KRT8: variants seen among roughly 807,000 people sequenced by gnomAD.
The protein encoded by KRT8 is keratin, type II cytoskeletal 8.
In KRT8, 24 loss-of-function variants were observed where a neutral mutation model predicts 43.0. The observed-to-expected ratio is 0.56, with a 90% CI of 0.40 to 0.78. The LOEUF (loss-of-function observed/expected upper bound fraction) is 0.78, where lower values mean the gene tolerates loss of function less well. KRT8 is among the 30% of genes least tolerant of loss of function. The pLI, the probability that KRT8 is intolerant of heterozygous loss-of-function variation, is 0.00. For missense variants in KRT8, 492 were observed against 638.4 expected (o/e 0.77, Z 2.47); for synonymous variants, 214 against 261.2 (o/e 0.82, Z 1.74).
At chr12:52,908,294 C>A (rs1280761424), upstream of KRT8, among the ~76,000 whole-genome samples, 4 of 152,028 alleles carry the variant, frequency 2.6e-5, no homozygotes, top group East Asian at 7.7e-4. Flanking sequence ...GGCGCAATCT[C>A]GGCTCACTGC....
chr12:52,948,890 A>C (rs2120758905), intron 2 of KRT8: 2 of 423,158 alleles, frequency 4.7e-6, no homozygotes, highest in South Asian at 1.9e-4. Flanking sequence ...AGGGCCAACA[A>C]CACCTGCTGT....
intron 2 of KRT8, chr12:52,948,579 C>T (rs1379674717): frequency 3.6e-6 from 1 of 276,828 alleles, no homozygotes; most frequent in Non-Finnish European, 6.7e-6. Flanking sequence ...GCAACCTCCG[C>T]CTCCCAGGTT....
At chr12:52,949,028 G>C (rs1942405413) in intron 2 of KRT8, 1 of 753,808 alleles carries the variant, frequency 1.3e-6, no homozygotes, top group Non-Finnish European at 2.2e-6. Context: ...GCTCCGAGCC[G>C]TCCACCTGTG....
At chr12:52,926,339 C>CCCCCCCCCCCCCCCGG in intron 2 of KRT8, 2 of 781,002 alleles carry the variant, frequency 2.6e-6, no homozygotes, top group Non-Finnish European at 4.2e-6. Flanking sequence ...GCTGCCCTCC[C>CCCCCCCCCCCCCCCGG]CACCCCACCC....
chr12:52,927,982 C>T (rs1168944954), intron 2 of KRT8, among the ~76,000 whole-genome samples: 1 of 152,104 alleles, frequency 6.6e-6, no homozygotes, highest in Non-Finnish European at 1.5e-5. Context: ...GCTTGAGAGG[C>T]GGGAGGCGCA....
chr12:52,933,822 AC>A (rs925376016), intron 2 of KRT8, among the ~76,000 whole-genome samples: 1 of 150,952 alleles, frequency 6.6e-6, no homozygotes, highest in African/African-American at 2.4e-5. Flanking sequence ...ACGGGGTTTC[AC>A]CATGTTGGCC....
intron 2 of KRT8, among the ~76,000 whole-genome samples, chr12:52,917,180 A>C (rs1032238044): frequency 2.0e-5 from 3 of 152,046 alleles, no homozygotes; most frequent in Non-Finnish European, 4.4e-5. Flanking sequence ...ACTTGAGGTC[A>C]GGCTTTCAAG....
upstream of KRT8, among the ~76,000 whole-genome samples, chr12:52,905,721 G>T (rs963555851): frequency 3.5e-5 from 5 of 143,196 alleles, no homozygotes; most frequent in African/African-American, 1.3e-4. Flanking sequence ...CATCACACGC[G>T]CACACACACA....
chr12:52,913,994 C>T (rs995482394), intron 2 of KRT8, among the ~76,000 whole-genome samples: 1 of 152,162 alleles, frequency 6.6e-6, no homozygotes, highest in Non-Finnish European at 1.5e-5. Flanking sequence ...AGGCCAAGGC[C>T]AGCTGATTAC....
chr12:52,898,409 G>T (rs1444791762), intron 7 of KRT8, 52 bp downstream of exon 7: 6 of 1,516,406 alleles, frequency 4.0e-6, no homozygotes, highest in African/African-American at 1.4e-5. Context: ...TGGAGCTGAG[G>T]CCTCCCTGGG....
chr12:52,901,666 G>A (rs1941372861), intron 2 of KRT8, 198 bp downstream of exon 2: 1 of 615,194 alleles, frequency 1.6e-6, no homozygotes, highest in African/African-American at 1.8e-5. Context: ...ATTGAAAGGG[G>A]GTGGGTACTA....
At chr12:52,924,592 A>C (rs1941953758) in intron 2 of KRT8, among the ~76,000 whole-genome samples, 1 of 152,184 alleles carries the variant, frequency 6.6e-6, no homozygotes. Flanking sequence ...CTGTCTCAAA[A>C]AAATAAATAA....
intron 2 of KRT8, among the ~76,000 whole-genome samples, chr12:52,923,182 T>C (rs942641994): frequency 6.6e-6 from 1 of 152,226 alleles, no homozygotes; most frequent in African/African-American, 2.4e-5. Flanking sequence ...AGGTTTATGA[T>C]GAAAATTAAA....
chr12:52,912,533 T>C (rs1389710298), intron 2 of KRT8, among the ~76,000 whole-genome samples: 1 of 152,218 alleles, frequency 6.6e-6, no homozygotes, highest in Non-Finnish European at 1.5e-5. Context: ...CTAGCACAGA[T>C]GCCCACCCTA....
chr12:52,935,389 A>AAAAAAAAAAAG (rs1942151983), intron 2 of KRT8, among the ~76,000 whole-genome samples: 1 of 132,446 alleles, frequency 7.6e-6, no homozygotes, highest in African/African-American at 2.9e-5. Context: ...AAAAAAAAAA[A>AAAAAAAAAAAG]AAAAAAAAAA....
chr12:52,902,618 G>T (rs1941400379), intron 1 of KRT8, among the ~76,000 whole-genome samples: 1 of 152,186 alleles, frequency 6.6e-6, no homozygotes, highest in African/African-American at 2.4e-5. Context: ...TCGAACTCCT[G>T]ACCTTGTGAT....
intron 1 of KRT8, among the ~76,000 whole-genome samples, chr12:52,903,052 G>A (rs1272171734): frequency 1.3e-5 from 2 of 152,130 alleles, no homozygotes; most frequent in South Asian, 2.1e-4. Context: ...AAACTGGAGG[G>A]GACAGAAATC....
Position 52,899,052 on chromosome 12 carries a change from T to C in KRT8, c.982-153A>G, listed in dbSNP as rs570159839. 48 of 713,184 alleles carry C rather than the reference T, an allele frequency of 6.7e-5. No homozygotes were observed. In the South Asian group the frequency reaches 6.8e-4, roughly 10 times the overall value. The allele number at this position is 713,184 out of a possible 1,614,324, so 44.2% of individuals were successfully genotyped here. ...ACTAAGGGCCGGGCACAGTGGCTCA[T>C]GCCTGTAATCCCAGCACTTTGGGAG... On this transcript the variant is annotated intron_variant, in intron 5 of 7. Coordinates refer to ENST00000692008, the Ensembl canonical transcript of KRT8.
chr12:52,931,391 G>A (rs544485583), intron 2 of KRT8, among the ~76,000 whole-genome samples: 1 of 152,068 alleles, frequency 6.6e-6, no homozygotes, highest in Non-Finnish European at 1.5e-5. Context: ...TTCTAAAATA[G>A]TTTCCCTTGG....
Sources: allele counts gnomAD v4.1 joint callset (sites outside exome capture counted in the v4.1 genomes callset), GRCh38; gene constraint gnomAD v4.1.1; transcripts MANE v1.5; gene names NCBI Gene and HGNC (gene_info 2026-07-23, HGNC 2026-07-21).